The following CTNNA3 variants were observed in gnomAD, a reference collection of about 807,000 sequenced individuals.
The protein encoded by CTNNA3 is catenin alpha-3.
CTNNA3 carries 76 observed loss-of-function variants against 95.7 expected under a neutral mutation model. That is an observed-to-expected ratio of 0.79 (90% CI 0.66 to 0.96). The LOEUF (loss-of-function observed/expected upper bound fraction) is 0.96, where lower values mean the gene tolerates loss of function less well. CTNNA3 is among the 40% of genes least tolerant of loss of function. The pLI is 0.00. For missense variants in CTNNA3, 1,191 were observed against 1,089.8 expected (o/e 1.09, Z -1.31); for synonymous variants, 431 against 374.4 (o/e 1.15, Z -1.74).
In CTNNA3 at chr10:66,766,313, A is replaced by G. The variant is rs1839850583; in HGVS notation, c.1232T>C (p.Ile411Thr). 1.2e-6 allele frequency: 2 copies of G among 1,613,786 alleles called. No homozygotes were observed. Among genetic ancestry groups the G allele is most frequent in the African/African-American group, 1.3e-5 (1 of 74,892 alleles). Residue 411 changes from isoleucine to threonine, a missense_variant, in exon 9 of 18, where the codon ATA becomes ACA. Coordinates refer to ENST00000433211, the MANE Select transcript of CTNNA3 (RefSeq NM_013266.4). ...ATGAAATATCGCAGCATATTCTTTT[A>G]TTTCCTTTTCCCGGCCATTCTTAGC... ...EAAKNGREKEIKEYAAIFHEH... is the reference protein window; with the variant it reads ...EAAKNGREKETKEYAAIFHEH...
At chr10:66,245,712 G>T (rs911076034) in intron 13 of CTNNA3, among the ~76,000 whole-genome samples, 2 of 152,094 alleles carry the variant, frequency 1.3e-5, no homozygotes, top group Non-Finnish European at 2.9e-5. Flanking sequence ...CAAAGAGAAG[G>T]CCCTGGAGTG....
chr10:66,060,672 G>C (rs756510092), intron 15 of CTNNA3, among the ~76,000 whole-genome samples: 6 of 152,030 alleles, frequency 3.9e-5, no homozygotes, highest in Non-Finnish European at 7.4e-5. Context: ...GACTGAAAAA[G>C]GCAGTTTGAT....
intron 13 of CTNNA3, chr10:66,118,220 C>T (rs1489003625): frequency 6.6e-6 from 1 of 152,102 alleles, no homozygotes; most frequent in Non-Finnish European, 1.5e-5. Context: ...ATCAGCTTTC[C>T]TTATGTCTTT....
intron 7 of CTNNA3, among the ~76,000 whole-genome samples, chr10:67,038,255 A>G (rs10822965): frequency 0.34 from 51,575 of 151,938 alleles, 9,311 homozygotes; most frequent in Middle Eastern, 0.55. Context: ...AAAAAAATCT[A>G]TCCTCCTAAA....
Position 67,022,940 on chromosome 10 carries a change from A to T in CTNNA3, c.1047+157377T>A, listed in dbSNP as rs183664576. ...GCAAGAGAGTAAGACTGTGTCTCAA[A>T]AAATAAATAAATAAATAAATAAACT... On this transcript the variant is annotated intron_variant, in intron 7 of 17. Coordinates refer to ENST00000433211, the MANE Select transcript of CTNNA3 (RefSeq NM_013266.4). 9.9e-4 allele frequency among the ~76,000 whole-genome samples: 151 copies of T among 152,248 alleles called. 1 individual carries two copies. Among genetic ancestry groups the T allele is most frequent in the African/African-American group, 3.1e-3 (130 of 41,552 alleles).
chr10:66,927,465 G>T lies in CTNNA3; in HGVS notation c.1048-151941C>A, dbSNP rs746052416. On this transcript the variant is annotated intron_variant, in intron 7 of 17. Coordinates refer to ENST00000433211, the MANE Select transcript of CTNNA3 (RefSeq NM_013266.4). This position sits in a 1 kb window ranked among gnomAD's most constrained non-coding sequence, Gnocchi z 4.7. The stretch of plus-strand genomic sequence containing the variant: ...GAATATTCCAAGACTGCCGCAACCT[G>T]GAACTTTTGGACCTGGGATATAACC... 2 of 1,614,092 alleles carry T rather than the reference G, an allele frequency of 1.2e-6. 1 individual carries two copies. The highest frequency in any genetic ancestry group is 2.2e-5 in the South Asian group (2 of 91,078).
chr10:67,071,927 T>A (rs1856490116), intron 7 of CTNNA3, among the ~76,000 whole-genome samples: 1 of 152,196 alleles, frequency 6.6e-6, no homozygotes, highest in Admixed American at 6.5e-5. Flanking sequence ...TTTGTTTCAG[T>A]TCAAGAATAT....
intron 11 of CTNNA3, among the ~76,000 whole-genome samples, chr10:66,511,262 T>G (rs1840647400): frequency 6.6e-6 from 1 of 151,804 alleles, no homozygotes; most frequent in African/African-American, 2.4e-5. Context: ...TATTATTTAT[T>G]TAGGTCTTTT....
At chr10:66,363,731 T>C (rs772696916) in intron 12 of CTNNA3, among the ~76,000 whole-genome samples, 15 of 152,218 alleles carry the variant, frequency 9.9e-5, no homozygotes, top group Non-Finnish European at 2.1e-4. Context: ...ATTTATGTTT[T>C]ATATATTGCA....
chr10:67,504,156 CAAA>C (rs1408049131), intron 5 of CTNNA3, among the ~76,000 whole-genome samples: 1 of 92,070 alleles, frequency 1.1e-5, no homozygotes. Context: ...GACTCCGTCT[CAAA>C]AAAAAAAAAA....
At chr10:67,692,554 G>A (rs1416448112) in intron 1 of CTNNA3, among the ~76,000 whole-genome samples, 2 of 138,556 alleles carry the variant, frequency 1.4e-5, no homozygotes, top group African/African-American at 5.6e-5. Flanking sequence ...TGCTCCTTAA[G>A]AGTCATCACC....
intron 7 of CTNNA3, among the ~76,000 whole-genome samples, chr10:66,878,291 C>A (rs1001082560): frequency 3.3e-5 from 5 of 152,068 alleles, no homozygotes; most frequent in Admixed American, 3.3e-4. Flanking sequence ...ATCCGGCTCA[C>A]GGCAGCCTCA....
chr10:66,889,032 CAGTGCTAA>C (rs1214187377), intron 7 of CTNNA3, among the ~76,000 whole-genome samples: 1 of 152,066 alleles, frequency 6.6e-6, no homozygotes, highest in Non-Finnish European at 1.5e-5. Flanking sequence ...GAATATTATT[CAGTGCTAA>C]ATGAAATGAG....
chr10:66,694,711 G>A (rs1028647023), intron 9 of CTNNA3, among the ~76,000 whole-genome samples: 2 of 152,102 alleles, frequency 1.3e-5, no homozygotes, highest in Non-Finnish European at 2.9e-5. Flanking sequence ...ATTTGCCTCT[G>A]CCATCAAACA....
At chr10:67,220,835 T>C (rs1160820836) in intron 5 of CTNNA3, among the ~76,000 whole-genome samples, 2 of 152,146 alleles carry the variant, frequency 1.3e-5, no homozygotes, top group Admixed American at 1.3e-4. Flanking sequence ...ATCACATGGA[T>C]ATCATGTACC....
chr10:66,924,265 T>C (rs998699157), intron 7 of CTNNA3, among the ~76,000 whole-genome samples: 4 of 152,222 alleles, frequency 2.6e-5, no homozygotes, highest in Non-Finnish European at 5.9e-5. Context: ...ATATCCATTG[T>C]ACTATATCTG....
intron 16 of CTNNA3, among the ~76,000 whole-genome samples, chr10:65,969,330 A>G (rs1000259592): frequency 6.6e-6 from 1 of 152,218 alleles, no homozygotes; most frequent in African/African-American, 2.4e-5. Flanking sequence ...ATGCTTCAAG[A>G]TGAGAAAGAA....
At chr10:67,122,296 T>G (rs1006648531) in intron 7 of CTNNA3, among the ~76,000 whole-genome samples, 21 of 152,112 alleles carry the variant, frequency 1.4e-4, no homozygotes, top group Non-Finnish European at 3.1e-4. Flanking sequence ...TTTCTAACTT[T>G]GTCTTTACCC....
chr10:65,931,654 C>A (rs1041699878), intron 17 of CTNNA3, among the ~76,000 whole-genome samples: 3 of 152,204 alleles, frequency 2.0e-5, no homozygotes, highest in Non-Finnish European at 4.4e-5. Flanking sequence ...GGAGAAGTGT[C>A]TGTGATCGGG....
Sources: gnomAD v4.1 joint callset for allele counts (sites outside exome capture counted in the v4.1 genomes callset) on GRCh38, gnomAD v4.1.1 for gene constraint, Gnocchi (gnomAD v3.1) non-coding constraint, MANE v1.5 for transcripts, NCBI Gene and HGNC (gene_info 2026-07-23, HGNC 2026-07-21) for gene names.